The following COL28A1 variants were observed in gnomAD, a reference collection of about 807,000 sequenced individuals.
COL28A1 encodes collagen type XXVIII alpha 1 chain.
Under a neutral mutation model 150.2 loss-of-function variants are expected in COL28A1, and 161 were observed. The ratio of observed to expected loss-of-function variants is 1.07; its 90% CI spans 0.94 to 1.22. COL28A1 has a LOEUF of 1.22. Among genes scored for constraint, COL28A1 ranks in the 50% most tolerant of loss-of-function variants. The pLI, the probability that COL28A1 is intolerant of heterozygous loss-of-function variation, is 0.00. For missense variants in COL28A1, 1,617 were observed against 1,388.3 expected, an observed-to-expected ratio of 1.16 and a Z score of -2.62; for synonymous variants, 552 against 469.7, an observed-to-expected ratio of 1.18 and a Z score of -2.26.
At chr7:7,501,349 A>G (rs1780513580) in intron 11 of COL28A1, among the ~76,000 whole-genome samples, 1 of 152,172 alleles carries the variant, frequency 6.6e-6, no homozygotes, top group African/African-American at 2.4e-5. Context: ...TTGGGAAAAA[A>G]CATGAGGGAT....
At chr7:7,472,420 A>G (rs529822317) in intron 15 of COL28A1, among the ~76,000 whole-genome samples, 1 of 151,758 alleles carries the variant, frequency 6.6e-6, no homozygotes, top group Non-Finnish European at 1.5e-5. Flanking sequence ...CCTTTTTACA[A>G]TAGCTGCAAA....
rs1350890952 is a variant in COL28A1, at chr7:7,358,323, A to C, written c.*310T>G. The C allele has an allele frequency of 4.6e-6, 1 of 217,768 alleles. No individual in the cohort carries two copies. The highest frequency in any genetic ancestry group is 2.3e-5 in the African/African-American group (1 of 43,382). The allele number at this position is 217,768 out of a possible 1,614,324, so 13.5% of individuals were successfully genotyped here. A position where few individuals can be genotyped will look rare whatever the true frequency, so the allele number is the denominator to read the frequency against. Reference sequence around the variant, plus strand: ...AACAGGAATTAAAGGAATCAGAATCACATTGCAGGTTGTGAAGTAGATAGA... The same window carrying C: ...AACAGGAATTAAAGGAATCAGAATCCCATTGCAGGTTGTGAAGTAGATAGA... On this transcript the variant is annotated 3_prime_UTR_variant, in exon 35 of 35. Transcript: ENST00000399429.
chr7:7,420,177 T>G (rs1784321896), intron 25 of COL28A1: 3 of 331,470 alleles, frequency 9.1e-6, no homozygotes, highest in Non-Finnish European at 1.6e-5. Flanking sequence ...CAACATTAAC[T>G]TTTTTCAGAA....
chr7:7,377,851 T>C (rs983454660), intron 30 of COL28A1, among the ~76,000 whole-genome samples: 8 of 143,898 alleles, frequency 5.6e-5, no homozygotes, highest in African/African-American at 2.1e-4. Context: ...GTGGTAGTAG[T>C]AATGGATGAG....
At chr7:7,342,026 T>G in the COL28A1 span, among the ~76,000 whole-genome samples, 1 of 152,278 alleles carries the variant, frequency 6.6e-6, no homozygotes, top group Non-Finnish European at 1.5e-5. Context: ...ATTCTTTCAG[T>G]TACAAAGACA....
chr7:7,523,950 C>CA (rs545901179), intron 4 of COL28A1, among the ~76,000 whole-genome samples: 156 of 152,300 alleles, frequency 1.0e-3, no homozygotes, highest in African/African-American at 3.6e-3. Flanking sequence ...GGAAGCACAT[C>CA]AAAGTAAGCA....
intron 13 of COL28A1, among the ~76,000 whole-genome samples, chr7:7,479,004 C>A (rs1447836710): frequency 6.6e-6 from 1 of 152,246 alleles, no homozygotes; most frequent in Non-Finnish European, 1.5e-5. Context: ...CAGCGGTGGG[C>A]TGAAGGGCTC....
chr7:7,439,488 G>A (rs763413758), intron 21 of COL28A1, among the ~76,000 whole-genome samples: 1 of 152,020 alleles, frequency 6.6e-6, no homozygotes, highest in Non-Finnish European at 1.5e-5. Context: ...CAAAAAAAGA[G>A]GTCAATTACT....
At chr7:7,536,486 G>A (rs1296839330), upstream of COL28A1, among the ~76,000 whole-genome samples, 1 of 151,978 alleles carries the variant, frequency 6.6e-6, no homozygotes, top group Non-Finnish European at 1.5e-5. Context: ...GGTTTACAGC[G>A]GTTAATATTT....
chr7:7,416,401 G>A (rs544865074), intron 27 of COL28A1, among the ~76,000 whole-genome samples: 2 of 152,312 alleles, frequency 1.3e-5, no homozygotes, highest in Non-Finnish European at 2.9e-5. Flanking sequence ...AGATAACAAA[G>A]TGGAGAAAAC....
chr7:7,432,826 A>T, intron 23 of COL28A1, 126 bp from the exon 24 acceptor site: 1 of 694,144 alleles, frequency 1.4e-6, no homozygotes, highest in East Asian at 2.7e-5. Context: ...AAAATGACTT[A>T]TTGCTAGTAC....
At chr7:7,487,404 C>T (rs112825236) in intron 13 of COL28A1, among the ~76,000 whole-genome samples, 4,061 of 152,052 alleles carry the variant, frequency 0.027, 150 homozygotes, top group African/African-American at 0.092. Context: ...ATGGTGAAAC[C>T]CTGTCTCTAC....
intron 27 of COL28A1, among the ~76,000 whole-genome samples, chr7:7,388,641 T>G (rs1328864085): frequency 6.6e-6 from 1 of 152,204 alleles, no homozygotes; most frequent in African/African-American, 2.4e-5. Context: ...AAAGCATTCC[T>G]ATTTCTCCAC....
chr7:7,481,558 G>A (rs1021496345), intron 13 of COL28A1, among the ~76,000 whole-genome samples: 3 of 152,098 alleles, frequency 2.0e-5, no homozygotes, highest in Non-Finnish European at 4.4e-5. Flanking sequence ...TTACAACTAC[G>A]ACATACTTAC....
intron 33 of COL28A1, among the ~76,000 whole-genome samples, chr7:7,366,670 T>G (rs1275792102): frequency 6.6e-6 from 1 of 151,900 alleles, no homozygotes; most frequent in Non-Finnish European, 1.5e-5. Flanking sequence ...AAGAACATAT[T>G]TTGGTAGAAA....
At chr7:7,453,722 A>G (rs572783335) in intron 16 of COL28A1, among the ~76,000 whole-genome samples, 8 of 152,094 alleles carry the variant, frequency 5.3e-5, no homozygotes, top group African/African-American at 1.2e-4. Context: ...ATCTGCCTAG[A>G]ATAAAGACCA....
intron 30 of COL28A1, among the ~76,000 whole-genome samples, chr7:7,379,332 C>G (rs1407962614): frequency 6.6e-6 from 1 of 152,170 alleles, no homozygotes; most frequent in South Asian, 2.1e-4. Context: ...CTTCCAGAAT[C>G]TAGAAAACCA....
chr7:7,501,841 T>A (rs1368921503), intron 11 of COL28A1, among the ~76,000 whole-genome samples: 1 of 152,178 alleles, frequency 6.6e-6, no homozygotes, highest in Non-Finnish European at 1.5e-5. Context: ...GGGATAAGGC[T>A]TCTTGGGCAC....
intron 15 of COL28A1, among the ~76,000 whole-genome samples, chr7:7,472,301 T>C (rs1315062962): frequency 2.6e-5 from 4 of 152,042 alleles, no homozygotes; most frequent in Non-Finnish European, 5.9e-5. Flanking sequence ...CTCCTAGAAT[T>C]GATAAAAGAA....
Sources: gnomAD v4.1 joint callset for allele counts (sites outside exome capture counted in the v4.1 genomes callset) on GRCh38, gnomAD v4.1.1 for gene constraint, MANE v1.5 for transcripts, NCBI Gene and HGNC (gene_info 2026-07-23, HGNC 2026-07-21) for gene names.